The following HPSE2 variants were observed in gnomAD, a reference collection of about 807,000 sequenced individuals.
The protein encoded by HPSE2 is inactive heparanase-2.
Under a neutral mutation model 60.5 loss-of-function variants are expected in HPSE2, and 38 were observed. The ratio of observed to expected loss-of-function variants is 0.63; its 90% CI spans 0.48 to 0.82. The LOEUF (loss-of-function observed/expected upper bound fraction) is 0.82. HPSE2 is among the 40% of genes least tolerant of loss of function. The pLI is 0.00. For synonymous variants in HPSE2, 295 were observed against 293.2 expected (o/e 1.01, Z -0.06); for missense variants, 713 against 740.4 (o/e 0.96, Z 0.43).
intron 3 of HPSE2, among the ~76,000 whole-genome samples, chr10:98,957,426 A>T (rs1465357989): frequency 6.6e-6 from 1 of 152,180 alleles, no homozygotes; most frequent in African/African-American, 2.4e-5. Flanking sequence ...ACTGCAGAAC[A>T]GAGTGCTACA....
intron 3 of HPSE2, among the ~76,000 whole-genome samples, chr10:98,940,357 G>T (rs1954953776): frequency 7.0e-6 from 1 of 143,446 alleles, no homozygotes; most frequent in Non-Finnish European, 1.5e-5. Flanking sequence ...AAGAAGAAAA[G>T]AGAGAAGAAT....
At chr10:99,153,468 G>A (rs993526912) in intron 2 of HPSE2, among the ~76,000 whole-genome samples, 5 of 152,110 alleles carry the variant, frequency 3.3e-5, no homozygotes, top group African/African-American at 1.2e-4. Context: ...AGCCTAACTG[G>A]GAGGCACCCC....
intron 2 of HPSE2, among the ~76,000 whole-genome samples, chr10:99,192,352 G>A (rs985962025): frequency 6.6e-6 from 1 of 152,160 alleles, no homozygotes; most frequent in Non-Finnish European, 1.5e-5. Context: ...CCTAAAAGCA[G>A]CAAGAGAAAA....
At chr10:99,132,368 T>C (rs567831149) in intron 3 of HPSE2, among the ~76,000 whole-genome samples, 46 of 152,038 alleles carry the variant, frequency 3.0e-4, no homozygotes, top group Non-Finnish European at 1.8e-4. Context: ...ATGTAAAAAA[T>C]GAACTCTTTG....
intron 6 of HPSE2, among the ~76,000 whole-genome samples, chr10:98,692,767 T>TCAAAAAAA (rs1554969672): frequency 2.5e-5 from 3 of 121,648 alleles, no homozygotes; most frequent in Admixed American, 1.8e-4. Context: ...AGACTCTGTC[T>TCAAAAAAA]CAAACAAACA....
At chr10:98,763,519 T>C (rs1950052922) in intron 3 of HPSE2, among the ~76,000 whole-genome samples, 1 of 75,328 alleles carries the variant, frequency 1.3e-5, no homozygotes, top group Non-Finnish European at 4.1e-5. Flanking sequence ...CATGTACTTC[T>C]CATGTGTTCT....
At chr10:98,651,070 C>A in intron 6 of HPSE2, among the ~76,000 whole-genome samples, 1 of 152,194 alleles carries the variant, frequency 6.6e-6, no homozygotes, top group East Asian at 1.9e-4. Context: ...TTACAGTCAG[C>A]AAATTCAATG....
the HPSE2 span, among the ~76,000 whole-genome samples, chr10:99,263,774 T>C: frequency 6.6e-6 from 1 of 152,098 alleles, no homozygotes; most frequent in African/African-American, 2.4e-5. Flanking sequence ...CTCATTCTAT[T>C]CTGTCGTCGT....
chr10:98,637,663 A>C (rs1282499377), intron 7 of HPSE2, among the ~76,000 whole-genome samples: 1 of 152,182 alleles, frequency 6.6e-6, no homozygotes, highest in African/African-American at 2.4e-5. Flanking sequence ...TACCCTATTC[A>C]AACAGCCTTA....
At position 98,929,638 on chromosome 10, in the gene HPSE2, T is replaced by C. The variant is rs1182906520; in HGVS notation, c.611-185582A>G. 2.1e-5 allele frequency among the ~76,000 whole-genome samples: 3 copies of C among 143,560 alleles called. 1 individual carries two copies. The highest frequency in any genetic ancestry group is 4.5e-5 in the Non-Finnish European group (3 of 67,118). 94.2% of individuals were successfully genotyped at this position (143,560 alleles called of 152,430 possible). A position where few individuals can be genotyped will look rare whatever the true frequency, so the allele number is the denominator to read the frequency against. ...CTTGCTCTGGAGTGACCCAGAATTG[T>C]TTAATGTCCCTAATGGAGAAAAAAT... On this transcript the variant is annotated intron_variant, in intron 3 of 11. Transcript: ENST00000370552.
intron 3 of HPSE2, among the ~76,000 whole-genome samples, chr10:98,749,312 G>A (rs1267250645): frequency 2.0e-5 from 3 of 151,732 alleles, no homozygotes; most frequent in Non-Finnish European, 2.9e-5. Context: ...CAGTTACTAC[G>A]TGACAGGCAC....
intron 3 of HPSE2, among the ~76,000 whole-genome samples, chr10:98,745,065 G>A (rs1949595385): frequency 6.6e-6 from 1 of 152,128 alleles, no homozygotes; most frequent in Non-Finnish European, 1.5e-5. Flanking sequence ...AGCCAGGCGC[G>A]GTGGCGGCTG....
At chr10:98,954,057 G>T (rs765547889) in intron 3 of HPSE2, among the ~76,000 whole-genome samples, 10 of 152,214 alleles carry the variant, frequency 6.6e-5, no homozygotes, top group Non-Finnish European at 1.5e-4. Flanking sequence ...TGTAATCCCA[G>T]CACTTTGGGA....
chr10:99,106,992 T>A (rs1238698708), intron 3 of HPSE2, among the ~76,000 whole-genome samples: 3 of 152,112 alleles, frequency 2.0e-5, no homozygotes, highest in Non-Finnish European at 2.9e-5. Context: ...TGCCTCAGCC[T>A]CCCCAGTAGT....
At chr10:99,280,811 G>T in the HPSE2 span, among the ~76,000 whole-genome samples, 1 of 152,176 alleles carries the variant, frequency 6.6e-6, no homozygotes, top group African/African-American at 2.4e-5. Context: ...ATTGTTCTGT[G>T]ACCTTGAACT....
chr10:98,535,145 CA>C (rs1356833669), intron 9 of HPSE2, among the ~76,000 whole-genome samples: 1 of 152,126 alleles, frequency 6.6e-6, no homozygotes, highest in East Asian at 1.9e-4. Flanking sequence ...TCCGTCTTCT[CA>C]AAGCAGATTT....
chr10:98,862,588 G>A (rs899079103), intron 3 of HPSE2, among the ~76,000 whole-genome samples: 2 of 152,112 alleles, frequency 1.3e-5, no homozygotes, highest in African/African-American at 2.4e-5. Flanking sequence ...ATGCTTTTGG[G>A]AGAGTGATCA....
At chr10:99,271,801 C>G in the HPSE2 span, among the ~76,000 whole-genome samples, 1 of 152,132 alleles carries the variant, frequency 6.6e-6, no homozygotes, top group African/African-American at 2.4e-5. Context: ...AACAGGGACA[C>G]AGACCAATGG....
In HPSE2 at chr10:98,939,442, C is replaced by G. The variant is rs367816768; in HGVS notation, c.611-195386G>C. On this transcript the variant is annotated intron_variant, in intron 3 of 11. Coordinates refer to ENST00000370552, the MANE Select transcript of HPSE2 (RefSeq NM_021828.5). ...GGCAGGGGTTGCAATCCTAGTCTCT[C>G]ATAAAACAGACTTTAAACCAAAAAG... 1.3e-3 allele frequency among the ~76,000 whole-genome samples: 181 copies of G among 143,068 alleles called. 16 individuals carry two copies. Among genetic ancestry groups the G allele is most frequent in the Non-Finnish European group, 1.8e-3 (124 of 67,038 alleles). The allele number at this position is 143,068 out of a possible 152,430, so 93.9% of individuals were successfully genotyped here. A position where few individuals can be genotyped will look rare whatever the true frequency, so the allele number is the denominator to read the frequency against.
Sources: gnomAD v4.1 joint callset for allele counts (sites outside exome capture counted in the v4.1 genomes callset) on GRCh38, gnomAD v4.1.1 for gene constraint, MANE v1.5 for transcripts, NCBI Gene and HGNC (gene_info 2026-07-23, HGNC 2026-07-21) for gene names.